The following LRBA variants were observed in gnomAD, a reference collection of about 807,000 sequenced individuals.
LRBA encodes the protein lipopolysaccharide-responsive and beige-like anchor protein.
In LRBA, 176 loss-of-function variants were observed where a neutral mutation model predicts 330.0. That is an observed-to-expected ratio of 0.53 (90% CI 0.47 to 0.60). The LOEUF (loss-of-function observed/expected upper bound fraction) is 0.60. Ranked by LOEUF, LRBA falls within the 20% of genes least tolerant of loss-of-function variation. LRBA has a pLI of 0.00. For synonymous variants in LRBA, 1,230 were observed against 1,193.0 expected (o/e 1.03, Z -0.64); for missense variants, 3,259 against 3,444.8 (o/e 0.95, Z 1.35).
rs991233493 is a variant in LRBA at position 150,727,646 on chromosome 4, T to C, written c.5754+7612A>G. Reference sequence around the variant, plus strand: ...AATGATGAAGAAATTAAGAATAAAATTGAAAAACTTCTTCAAACAAATGAT... The same window carrying C: ...AATGATGAAGAAATTAAGAATAAAACTGAAAAACTTCTTCAAACAAATGAT... On this transcript the variant is annotated intron_variant, in intron 36 of 56. Transcript: ENST00000651943. 2.8e-4 allele frequency among the ~76,000 whole-genome samples: 42 copies of C among 152,038 alleles called. 1 individual carries two copies. Among genetic ancestry groups the C allele is most frequent in the African/African-American group, 9.4e-4 (39 of 41,496 alleles).
At chr4:150,540,158 T>C (rs1036740501) in intron 40 of LRBA, among the ~76,000 whole-genome samples, 1 of 152,218 alleles carries the variant, frequency 6.6e-6, no homozygotes, top group Non-Finnish European at 1.5e-5. Flanking sequence ...TTTTGCATTC[T>C]CGAAAACAGA....
rs2151993446 is a variant in LRBA at position 150,435,631 on chromosome 4, G to A, written c.6999C>T (p.Ser2333=). The change falls in exon 46 of 57, where the codon TCC becomes TCT. Residue 2333 remains serine, a synonymous_variant. Coordinates refer to ENST00000651943, the MANE Select transcript of LRBA (RefSeq NM_001364905.1). ...DHADRTFSSI[S]RAWRNSQRDT... ...CACGCTGACTGTTTCGCCAAGCTCT[G>A]GAAATTGATGAAAAAGTTCGATCTG... 6.2e-7 allele frequency: 1 copy of A among 1,612,988 alleles called. No individual in the cohort carries two copies. Among genetic ancestry groups the A allele is most frequent in the Non-Finnish European group, 8.5e-7 (1 of 1,179,576 alleles).
At chr4:150,476,223 G>A (rs1175572632) in intron 42 of LRBA, among the ~76,000 whole-genome samples, 2 of 152,002 alleles carry the variant, frequency 1.3e-5, no homozygotes, top group Non-Finnish European at 2.9e-5. Context: ...TTCAGATATG[G>A]GTGTTTAAAG....
At chr4:150,871,227 A>T in intron 19 of LRBA, 118 bp downstream of exon 19, 1 of 561,344 alleles carries the variant, frequency 1.8e-6, no homozygotes, top group East Asian at 3.2e-5. Flanking sequence ...TGGGTGACAG[A>T]GTGAGACTCT....
intron 22 of LRBA, 29 bp downstream of exon 22, chr4:150,867,642 C>T (rs1182765062): frequency 6.5e-6 from 10 of 1,547,656 alleles, no homozygotes; most frequent in Non-Finnish European, 8.7e-6. Context: ...ATTTAAAATG[C>T]TACAATACGC....
chr4:150,500,037 T>A (rs932326793), intron 40 of LRBA, among the ~76,000 whole-genome samples: 1 of 152,088 alleles, frequency 6.6e-6, no homozygotes, highest in African/African-American at 2.4e-5. Context: ...AGTTCTAGTG[T>A]TCTATACCAC....
intron 35 of LRBA, among the ~76,000 whole-genome samples, chr4:150,750,092 TC>T (rs1477978849): frequency 6.6e-6 from 1 of 152,180 alleles, no homozygotes. Context: ...TCAAACTGTT[TC>T]CCCTTCACAA....
chr4:150,292,375 T>C (rs1728424463), intron 53 of LRBA, among the ~76,000 whole-genome samples: 1 of 152,234 alleles, frequency 6.6e-6, no homozygotes, highest in African/African-American at 2.4e-5. Flanking sequence ...CTTACTCTTA[T>C]GAAAATCAGA....
intron 53 of LRBA, among the ~76,000 whole-genome samples, chr4:150,289,979 CT>C (rs1164249427): frequency 6.6e-6 from 1 of 152,258 alleles, no homozygotes; most frequent in East Asian, 1.9e-4. Flanking sequence ...CAGAATCGAT[CT>C]TTTTATGTCT....
intron 38 of LRBA, among the ~76,000 whole-genome samples, chr4:150,595,830 C>T (rs1188165195): frequency 2.0e-5 from 3 of 151,802 alleles, no homozygotes; most frequent in Non-Finnish European, 4.4e-5. Flanking sequence ...CCTTAGGTTC[C>T]TTCTACATCT....
chr4:150,636,092 G>C (rs1285111543), intron 37 of LRBA, among the ~76,000 whole-genome samples: 1 of 150,480 alleles, frequency 6.6e-6, no homozygotes, highest in Non-Finnish European at 1.5e-5. Context: ...GGAAGCACAT[G>C]GTTTCAGTTT....
chr4:150,308,438 A>G (rs1342837670), intron 52 of LRBA, among the ~76,000 whole-genome samples: 1 of 152,226 alleles, frequency 6.6e-6, no homozygotes, highest in Non-Finnish European at 1.5e-5. Context: ...AGTGCATAAT[A>G]CTTGATAATA....
chr4:150,551,643 G>C (rs1406533245), intron 40 of LRBA, among the ~76,000 whole-genome samples: 2 of 151,822 alleles, frequency 1.3e-5, no homozygotes, highest in South Asian at 4.2e-4. Context: ...ACTCCAGCCT[G>C]GGTGACAGAG....
intron 53 of LRBA, among the ~76,000 whole-genome samples, chr4:150,286,423 T>G (rs1748136695): frequency 6.6e-6 from 1 of 152,192 alleles, no homozygotes; most frequent in Non-Finnish European, 1.5e-5. Context: ...TCCTCCTTCC[T>G]CATCCTTTGT....
intron 37 of LRBA, among the ~76,000 whole-genome samples, chr4:150,662,508 T>G (rs1781210104): frequency 6.6e-6 from 1 of 152,238 alleles, no homozygotes; most frequent in Non-Finnish European, 1.5e-5. Context: ...GGAAATTTTT[T>G]AAAAGCTTCC....
At chr4:150,558,725 A>G (rs1767657495) in intron 40 of LRBA, among the ~76,000 whole-genome samples, 1 of 152,210 alleles carries the variant, frequency 6.6e-6, no homozygotes, top group Non-Finnish European at 1.5e-5. Context: ...CAAAGCTAAT[A>G]AATGTATGCA....
At chr4:150,867,627 T>C in intron 22 of LRBA, 44 bp downstream of exon 22, 2 of 1,465,214 alleles carry the variant, frequency 1.4e-6, no homozygotes, top group African/African-American at 3.0e-5. Flanking sequence ...TCAAAAATTA[T>C]AGATATTTAA....
At chr4:150,266,400 G>A (rs1368658601) in intron 56 of LRBA, among the ~76,000 whole-genome samples, 6 of 152,182 alleles carry the variant, frequency 3.9e-5, no homozygotes, top group Admixed American at 6.5e-5. Context: ...GTAACTCACC[G>A]AAATCACTGA....
intron 35 of LRBA, among the ~76,000 whole-genome samples, chr4:150,761,124 T>C (rs1278474891): frequency 1.3e-5 from 2 of 152,130 alleles, no homozygotes; most frequent in Non-Finnish European, 2.9e-5. Context: ...TTCAGTTCCA[T>C]TAATGCAAAA....
Sources: gnomAD v4.1 joint callset for allele counts (sites outside exome capture counted in the v4.1 genomes callset) on GRCh38, gnomAD v4.1.1 for gene constraint, MANE v1.5 for transcripts, NCBI Gene and HGNC (gene_info 2026-07-23, HGNC 2026-07-21) for gene names.